Variants in SEPTIN9 observed in about 807,000 individuals in gnomAD.
SEPTIN9 encodes septin 9.
Under a neutral mutation model 56.6 loss-of-function variants are expected in SEPTIN9, and 13 were observed. That is an observed-to-expected ratio of 0.23 (90% CI 0.15 to 0.37). The LOEUF (loss-of-function observed/expected upper bound fraction) is 0.37, where lower values mean the gene tolerates loss of function less well. SEPTIN9 is among the 10% of genes least tolerant of loss of function. The probability of loss-of-function intolerance (pLI) is 1.00; values close to 1 mark genes in which losing one functional copy is unlikely to be tolerated. For synonymous variants in SEPTIN9, 332 were observed against 334.1 expected, an observed-to-expected ratio of 0.99 and a Z score of 0.07; for missense variants, 650 against 823.1, an observed-to-expected ratio of 0.79 and a Z score of 2.57.
chr17:77,391,284 C>T (rs1341518918), intron 2 of SEPTIN9, among the ~76,000 whole-genome samples: 1 of 152,182 alleles, frequency 6.6e-6, no homozygotes, highest in Non-Finnish European at 1.5e-5. Context: ...TTTCTGTGTT[C>T]TGTTCCTGGG....
At chr17:77,485,459 G>A (rs551041595) in intron 4 of SEPTIN9, among the ~76,000 whole-genome samples, 5 of 151,718 alleles carry the variant, frequency 3.3e-5, no homozygotes, top group East Asian at 3.9e-4. Flanking sequence ...TGATGATGGC[G>A]GGAGTGATGG....
In SEPTIN9 at chr17:77,497,388, T is replaced by TGGTG. The variant is rs1051862966; in HGVS notation, c.1625+24_1625+25insTGGG. ...TCAGGTGAGAGACAGGGTGCTTGGG[T>TGGTG]GGGGCTGACGGCTTCACCCCTAAGA... On this transcript the variant is annotated intron_variant, in intron 11 of 11. Coordinates refer to ENST00000427177, the MANE Select transcript of SEPTIN9 (RefSeq NM_001113491.2). 2.5e-6 allele frequency: 4 copies of TGGTG among 1,611,550 alleles called. No individual in the cohort carries two copies. The African/African-American group carries it at 4.0e-5, about 16-fold the overall frequency.
Position 77,453,331 on chromosome 17 carries a change from C to T in SEPTIN9, c.722-28813C>T, listed in dbSNP as rs1315456611. Reference sequence around the variant, plus strand: ...GTCAAAAATGGCCTTGTTGGCCGGGCGCAGTGGCTCATGCCTGTAATCCCA... The same window carrying T: ...GTCAAAAATGGCCTTGTTGGCCGGGTGCAGTGGCTCATGCCTGTAATCCCA... On this transcript the variant is annotated intron_variant, in intron 3 of 11. Transcript: ENST00000427177. The surrounding 1 kb of genome is among the most constrained non-coding windows in gnomAD (Gnocchi z 4.4). Among the ~76,000 whole-genome samples, 7 of 152,254 alleles carry T rather than the reference C, an allele frequency of 4.6e-5. No homozygotes were observed. Among genetic ancestry groups the T allele is most frequent in the Non-Finnish European group, 5.9e-5 (4 of 68,020 alleles).
chr17:77,358,166 G>A (rs2034312370), intron 2 of SEPTIN9, among the ~76,000 whole-genome samples: 1 of 152,190 alleles, frequency 6.6e-6, no homozygotes, highest in African/African-American at 2.4e-5. Flanking sequence ...CACGGGGTCT[G>A]CACCCAGGAG....
chr17:77,320,399 G>A (rs542039627), intron 2 of SEPTIN9: 5 of 1,506,938 alleles, frequency 3.3e-6, no homozygotes, highest in South Asian at 1.1e-5. Context: ...CCCTGGACTC[G>A]GGGCTTTATT....
At chr17:77,292,714 G>A (rs1268637250) in intron 1 of SEPTIN9, among the ~76,000 whole-genome samples, 29 of 152,122 alleles carry the variant, frequency 1.9e-4, no homozygotes, top group Admixed American at 1.5e-3. Context: ...GGCTGGTCTC[G>A]AACTCTTGAC....
intron 2 of SEPTIN9, chr17:77,373,189 C>G (rs1483212866): frequency 1.9e-6 from 2 of 1,080,372 alleles, no homozygotes; most frequent in Non-Finnish European, 2.2e-6. Flanking sequence ...GGGCCCCAGC[C>G]CCCCAGGCCT....
rs930985327 is a variant in SEPTIN9, at chr17:77,435,260, T to C, written c.721+32557T>C. Among the ~76,000 whole-genome samples, 5 of 152,090 alleles carry C rather than the reference T, an allele frequency of 3.3e-5. No homozygotes were observed. Among genetic ancestry groups the C allele is most frequent in the Admixed American group, 6.6e-5 (1 of 15,262 alleles). ...TCCCTAACCACTGTCATTTACCTCT[T>C]CGGCCAGCCCTCTGATTGCAAAACC... On this transcript the variant is annotated intron_variant, in intron 3 of 11. Transcript: ENST00000427177. This position sits in a 1 kb window ranked among gnomAD's most constrained non-coding sequence, Gnocchi z 4.5.
intron 3 of SEPTIN9, among the ~76,000 whole-genome samples, chr17:77,464,738 C>G (rs1598416106): frequency 6.6e-6 from 1 of 151,906 alleles, no homozygotes; most frequent in East Asian, 1.9e-4. Context: ...GTAGCTGGGA[C>G]TACAGGTGCC....
At chr17:77,384,023 A>G (rs2035239837) in intron 2 of SEPTIN9, among the ~76,000 whole-genome samples, 1 of 152,116 alleles carries the variant, frequency 6.6e-6, no homozygotes, top group Non-Finnish European at 1.5e-5. Flanking sequence ...GCCAGGCCCT[A>G]GTGGAGAGGG....
chr17:77,482,706 C>T, intron 4 of SEPTIN9: 1 of 584,260 alleles, frequency 1.7e-6, no homozygotes, highest in Non-Finnish European at 3.0e-6. Flanking sequence ...TCCAGGCTCC[C>T]CACCGCACCC....
chr17:77,358,514 A>G (rs2034323061), intron 2 of SEPTIN9, among the ~76,000 whole-genome samples: 1 of 152,010 alleles, frequency 6.6e-6, no homozygotes, highest in South Asian at 2.1e-4. Context: ...CCAGCTACTC[A>G]AGGAGAACCC....
intron 2 of SEPTIN9, among the ~76,000 whole-genome samples, chr17:77,377,824 A>G (rs1244229416): frequency 6.6e-6 from 1 of 152,180 alleles, no homozygotes; most frequent in Non-Finnish European, 1.5e-5. Flanking sequence ...CTCTTGCGTG[A>G]TGAACCCTGC....
At chr17:77,297,473 G>A (rs1020573921) in intron 1 of SEPTIN9, among the ~76,000 whole-genome samples, 15 of 152,210 alleles carry the variant, frequency 9.9e-5, no homozygotes, top group East Asian at 5.8e-4. Context: ...ACCCAGAAGC[G>A]ATGCGTTACC....
intron 3 of SEPTIN9, among the ~76,000 whole-genome samples, chr17:77,471,421 T>C (rs1202975928): frequency 6.6e-6 from 1 of 152,258 alleles, no homozygotes; most frequent in Non-Finnish European, 1.5e-5. Context: ...ACCCAGCACC[T>C]GGCAGGGGGC....
Position 77,389,299 on chromosome 17 carries a change from G to A in SEPTIN9, c.77-12760G>A, listed in dbSNP as rs1164000303. 1.3e-5 allele frequency among the ~76,000 whole-genome samples: 2 copies of A among 152,174 alleles called. No homozygotes were observed. The highest frequency in any genetic ancestry group is 2.9e-5 in the Non-Finnish European group (2 of 68,018). ...GCGGTAGGCTGAGGAGGTGGCTGGCGACCCTGTGGTGGGGACGAGGGGGCT... is the reference window on the plus strand; with the variant it reads ...GCGGTAGGCTGAGGAGGTGGCTGGCAACCCTGTGGTGGGGACGAGGGGGCT... On this transcript the variant is annotated intron_variant, in intron 2 of 11. Coordinates refer to ENST00000427177, the MANE Select transcript of SEPTIN9 (RefSeq NM_001113491.2). This position sits in a 1 kb window ranked among gnomAD's most constrained non-coding sequence, Gnocchi z 4.3.
Position 77,389,958 on chromosome 17 carries a change from G to A in SEPTIN9, c.77-12101G>A, listed in dbSNP as rs545796276. On this transcript the variant is annotated intron_variant, in intron 2 of 11. Coordinates refer to ENST00000427177, the MANE Select transcript of SEPTIN9 (RefSeq NM_001113491.2). The surrounding 1 kb of genome is among the most constrained non-coding windows in gnomAD (Gnocchi z 4.3). ...AAAAGAGGAAGTCCAGCAACTTAGC[G>A]CCACTTTAAAGTCCGCCTGGAATGA... Among the ~76,000 whole-genome samples the A allele has an allele frequency of 3.4e-4, 52 of 152,208 alleles. No homozygotes were observed. Among genetic ancestry groups the A allele is most frequent in the Admixed American group, 7.2e-4 (11 of 15,288 alleles).
At chr17:77,343,400 C>G (rs558164906) in intron 2 of SEPTIN9, among the ~76,000 whole-genome samples, 64 of 152,324 alleles carry the variant, frequency 4.2e-4, no homozygotes, top group Non-Finnish European at 7.1e-4. Context: ...AGTGTACCCT[C>G]CCGTGGAAGC....
At chr17:77,339,717 C>A (rs895474054) in intron 2 of SEPTIN9, among the ~76,000 whole-genome samples, 2 of 151,964 alleles carry the variant, frequency 1.3e-5, no homozygotes, top group Non-Finnish European at 2.9e-5. Context: ...ACCATGTTGG[C>A]CAGGCTGGTC....
Sources: gnomAD v4.1 joint callset for allele counts (sites outside exome capture counted in the v4.1 genomes callset) on GRCh38, gnomAD v4.1.1 for gene constraint, Gnocchi (gnomAD v3.1) non-coding constraint, MANE v1.5 for transcripts, NCBI Gene and HGNC (gene_info 2026-07-23, HGNC 2026-07-21) for gene names.